PHLDB2: variants seen among roughly 807,000 people sequenced by gnomAD.
The protein encoded by PHLDB2 is pleckstrin homology-like domain family B member 2.
A neutral mutation model predicts 123.6 loss-of-function variants in PHLDB2; 71 were observed. That is an observed-to-expected ratio of 0.57 (90% CI 0.47 to 0.70). The LOEUF is 0.70. Ranked by LOEUF, PHLDB2 falls within the 30% of genes least tolerant of loss-of-function variation. The pLI is 0.00. For missense variants in PHLDB2, 1,446 were observed against 1,519.5 expected (o/e 0.95, Z 0.80); for synonymous variants, 547 against 541.6 (o/e 1.01, Z -0.14).
Position 111,974,452 on chromosome 3 carries a change from C to T in PHLDB2, c.3651C>T (p.Val1217=). Residue 1217 remains valine (V), a synonymous_variant, in exon 18 of 18, where the codon GTC becomes GTT. Transcript: ENST00000431670. ...CTAATCCGTTACTCACCTTTAGCGTCAAGACTCATGACAGAATCTATTATA... is the reference window on the plus strand; with the variant it reads ...CTAATCCGTTACTCACCTTTAGCGTTAAGACTCATGACAGAATCTATTATA... ...KSPNPLLTFS[V]KTHDRIYYMV... is the part of the protein sequence containing the mutation. 1 of 1,612,322 alleles carries T rather than the reference C, an allele frequency of 6.2e-7. No individual in the cohort carries two copies. The highest frequency in any genetic ancestry group is 8.5e-7 in the Non-Finnish European group (1 of 1,179,100).
chr3:111,740,899 T>TAA (rs372089397), intron 1 of PHLDB2, among the ~76,000 whole-genome samples: 2,749 of 126,448 alleles, frequency 0.022, 51 homozygotes, highest in African/African-American at 0.059. Context: ...CCCATCAAGT[T>TAA]AAAAAAAAAA....
chr3:111,912,136 T>C (rs901255645), intron 2 of PHLDB2, among the ~76,000 whole-genome samples: 5 of 152,254 alleles, frequency 3.3e-5, no homozygotes, highest in African/African-American at 9.6e-5. Context: ...TTTTTAGTTC[T>C]TTTTTCACTT....
chr3:111,887,207 TG>T (rs1438182692), intron 2 of PHLDB2, among the ~76,000 whole-genome samples: 1 of 152,244 alleles, frequency 6.6e-6, no homozygotes, highest in African/African-American at 2.4e-5. Flanking sequence ...AGTGACCTTC[TG>T]TACTGCCTGT....
intron 1 of PHLDB2, among the ~76,000 whole-genome samples, chr3:111,780,667 ATT>A: frequency 6.6e-6 from 1 of 152,052 alleles, no homozygotes. Context: ...AGAAAAGCAC[ATT>A]TAGAATTCTA....
chr3:111,754,980 C>T (rs1180439442), intron 1 of PHLDB2, among the ~76,000 whole-genome samples: 2 of 152,068 alleles, frequency 1.3e-5, no homozygotes, highest in Admixed American at 6.5e-5. Flanking sequence ...TTGAACCAGA[C>T]TTGCATCCCA....
In PHLDB2 at chr3:111,976,104, T is replaced by A. The variant is rs1335554158; in HGVS notation, c.*1541T>A. ...GACTAAAATATAATTGCTAAGATTT[T>A]GTTGGTTAATGTAAAGATATGACTT... is the stretch of plus-strand genomic sequence containing the variant. On this transcript the variant is annotated 3_prime_UTR_variant, in exon 18 of 18. Coordinates refer to ENST00000431670, the MANE Select transcript of PHLDB2 (RefSeq NM_001134438.2). The A allele has an allele frequency of 6.5e-6, 1 of 152,684 alleles. No individual in the cohort carries two copies. Among genetic ancestry groups the A allele is most frequent in the Non-Finnish European group, 1.5e-5 (1 of 68,040 alleles). 9.5% of individuals were successfully genotyped at this position (152,684 alleles called of 1,614,324 possible). A position where few individuals can be genotyped will look rare whatever the true frequency, so the allele number is the denominator to read the frequency against.
intron 1 of PHLDB2, among the ~76,000 whole-genome samples, chr3:111,824,207 G>C (rs2062541831): frequency 6.6e-6 from 1 of 152,078 alleles, no homozygotes; most frequent in Admixed American, 6.5e-5. Context: ...CTATAAACAG[G>C]TTTTTTATCT....
At chr3:111,777,426 C>T (rs2060285938) in intron 1 of PHLDB2, among the ~76,000 whole-genome samples, 1 of 152,034 alleles carries the variant, frequency 6.6e-6, no homozygotes, top group Non-Finnish European at 1.5e-5. Flanking sequence ...ATATTCAGCT[C>T]TAAAATTTAG....
intron 1 of PHLDB2, among the ~76,000 whole-genome samples, chr3:111,758,198 C>T (rs533499946): frequency 6.6e-5 from 10 of 152,074 alleles, no homozygotes; most frequent in Non-Finnish European, 1.0e-4. Flanking sequence ...CTGTGCCCTG[C>T]CCCTAGAGGT....
At chr3:111,958,710 G>C (rs534496381) in intron 12 of PHLDB2, 4 of 455,898 alleles carry the variant, frequency 8.8e-6, no homozygotes, top group African/African-American at 4.0e-5. Flanking sequence ...AGGATTTAGA[G>C]CATTTTCAAG....
chr3:111,739,000 GCCT>G (rs755692096), intron 1 of PHLDB2, among the ~76,000 whole-genome samples: 2 of 152,116 alleles, frequency 1.3e-5, no homozygotes, highest in Non-Finnish European at 2.9e-5. Context: ...GGCTTTCGTG[GCCT>G]CAATTTTCTC....
rs767917547 is a variant in PHLDB2 at position 111,884,139 on chromosome 3, ACT to A, written c.65_66del (p.Ser22CysfsTer6). ...TTACAAAATGGTAGCTTAGAGGAAG[ACT>A]CTGTGGTGCATTCTGTTGAGAACGA... On this transcript the variant is annotated frameshift_variant, in exon 2 of 18. Coordinates refer to ENST00000431670, the MANE Select transcript of PHLDB2 (RefSeq NM_001134438.2). LOFTEE classifies it high-confidence loss of function. The A allele has an allele frequency of 6.2e-7, 1 of 1,613,876 alleles. No individual in the cohort carries two copies. The highest frequency in any genetic ancestry group is 1.3e-5 in the African/African-American group (1 of 74,872).
chr3:111,845,438 G>A (rs985055333), intron 1 of PHLDB2, among the ~76,000 whole-genome samples: 12 of 151,232 alleles, frequency 7.9e-5, no homozygotes, highest in African/African-American at 2.9e-4. Flanking sequence ...TACCTAACAG[G>A]GTGGCTGGTA....
At chr3:111,738,460 C>T (rs549333997) in intron 1 of PHLDB2, among the ~76,000 whole-genome samples, 8 of 152,064 alleles carry the variant, frequency 5.3e-5, no homozygotes, top group Non-Finnish European at 1.2e-4. Context: ...ATGGGTTATC[C>T]ACTCAGTTCA....
At chr3:111,807,772 A>G (rs1576677237) in intron 1 of PHLDB2, among the ~76,000 whole-genome samples, 1 of 152,180 alleles carries the variant, frequency 6.6e-6, no homozygotes, top group East Asian at 1.9e-4. Flanking sequence ...AAAGGAGAAG[A>G]AGAAGGAGAA....
intron 16 of PHLDB2, among the ~76,000 whole-genome samples, chr3:111,973,215 T>C (rs1038322669): frequency 6.8e-6 from 1 of 147,000 alleles, no homozygotes; most frequent in Non-Finnish European, 1.5e-5. Flanking sequence ...AATAAATTAT[T>C]TGCTTGTAGC....
chr3:111,786,110 A>C (rs1484613713), intron 1 of PHLDB2, among the ~76,000 whole-genome samples: 1 of 152,114 alleles, frequency 6.6e-6, no homozygotes, highest in Non-Finnish European at 1.5e-5. Context: ...GGATACCAAA[A>C]TCCACAGATG....
intron 10 of PHLDB2, among the ~76,000 whole-genome samples, chr3:111,950,655 C>T (rs1382063143): frequency 6.6e-6 from 1 of 152,100 alleles, no homozygotes; most frequent in Non-Finnish European, 1.5e-5. Flanking sequence ...CAAATACCTA[C>T]AGGAATTTGG....
intron 5 of PHLDB2, among the ~76,000 whole-genome samples, chr3:111,925,945 A>T (rs185986194): frequency 6.6e-6 from 1 of 152,386 alleles, no homozygotes; most frequent in East Asian, 1.9e-4. Flanking sequence ...ACCAAAATTA[A>T]ATAAAATGGT....
Sources: gnomAD v4.1 joint callset for allele counts (sites outside exome capture counted in the v4.1 genomes callset) on GRCh38, gnomAD v4.1.1 for gene constraint, MANE v1.5 for transcripts, NCBI Gene and HGNC (gene_info 2026-07-23, HGNC 2026-07-21) for gene names.